FTO: variants seen among roughly 807,000 people sequenced by gnomAD.
The protein encoded by FTO is FTO alpha-ketoglutarate dependent dioxygenase, also known as alpha-ketoglutarate-dependent dioxygenase FTO.
FTO carries 47 observed loss-of-function variants against 63.9 expected under a neutral mutation model. That is an observed-to-expected ratio of 0.74 (90% confidence interval 0.58 to 0.94). The LOEUF is 0.94. FTO is among the 40% of genes least tolerant of loss of function. The pLI is 0.00. For synonymous variants in FTO, 207 were observed against 224.4 expected, an observed-to-expected ratio of 0.92 and a Z score of 0.69; for missense variants, 562 against 618.1, an observed-to-expected ratio of 0.91 and a Z score of 0.96.
chr16:53,820,175 G>A (rs530396244), intron 2 of FTO, among the ~76,000 whole-genome samples: 1 of 151,722 alleles, frequency 6.6e-6, no homozygotes, highest in South Asian at 2.1e-4. Context: ...CGCCCAGCTA[G>A]TTTTTGTATT....
intron 1 of FTO, among the ~76,000 whole-genome samples, chr16:53,705,860 A>G (rs1386689166): frequency 6.6e-6 from 1 of 152,208 alleles, no homozygotes; most frequent in Non-Finnish European, 1.5e-5. Context: ...TATTTGCCAT[A>G]AGTTGGGATT....
intron 3 of FTO, among the ~76,000 whole-genome samples, chr16:53,842,426 G>A (rs2079503406): frequency 6.6e-6 from 1 of 152,120 alleles, no homozygotes; most frequent in African/African-American, 2.4e-5. Context: ...ACTTTTAAAA[G>A]TTTTTATGTA....
At chr16:53,788,159 T>G (rs2077799372) in intron 1 of FTO, among the ~76,000 whole-genome samples, 1 of 152,190 alleles carries the variant, frequency 6.6e-6, no homozygotes, top group Non-Finnish European at 1.5e-5. Flanking sequence ...TTCCTGAGTT[T>G]AGGAAATTAT....
chr16:53,918,960 T>C (rs1489623398), intron 7 of FTO, among the ~76,000 whole-genome samples: 1 of 152,186 alleles, frequency 6.6e-6, no homozygotes, highest in East Asian at 1.9e-4. Flanking sequence ...AAAAATGTGA[T>C]TAATACTTGC....
chr16:53,889,837 A>C (rs1014150393), intron 7 of FTO, among the ~76,000 whole-genome samples: 2 of 151,888 alleles, frequency 1.3e-5, no homozygotes, highest in African/African-American at 4.9e-5. Flanking sequence ...AATAGTAATA[A>C]TAATAATAAT....
intron 7 of FTO, among the ~76,000 whole-genome samples, chr16:53,917,145 G>A (rs936509315): frequency 4.6e-5 from 7 of 152,170 alleles, no homozygotes; most frequent in Non-Finnish European, 7.3e-5. Flanking sequence ...GAGAATCTGG[G>A]CCACTCATTG....
chr16:53,843,955 A>C (rs528995611), intron 3 of FTO, among the ~76,000 whole-genome samples, 200 bp from the exon 4 acceptor site: 1 of 152,222 alleles, frequency 6.6e-6, no homozygotes, highest in East Asian at 1.9e-4. Context: ...TGGCCTATTT[A>C]AGGTTTCTTG....
chr16:53,746,122 AC>A, intron 1 of FTO, among the ~76,000 whole-genome samples: 1 of 152,276 alleles, frequency 6.6e-6, no homozygotes, highest in East Asian at 1.9e-4. Context: ...CTCTGAGCAC[AC>A]TGGAAGATTA....
At chr16:53,719,293 G>T (rs531210279) in intron 1 of FTO, among the ~76,000 whole-genome samples, 162 of 134,622 alleles carry the variant, frequency 1.2e-3, no homozygotes, top group African/African-American at 4.3e-3. Flanking sequence ...GTCTTGCTGT[G>T]TCACCCAGGC....
intron 8 of FTO, among the ~76,000 whole-genome samples, chr16:54,058,737 C>G (rs1322685081): frequency 1.3e-5 from 2 of 152,176 alleles, no homozygotes; most frequent in African/African-American, 4.8e-5. Flanking sequence ...CCCCCACCTC[C>G]TGTGCATGAA....
intron 6 of FTO, among the ~76,000 whole-genome samples, chr16:53,880,937 TAAAAAAAA>T (rs34062544): frequency 1.0e-4 from 7 of 67,682 alleles, no homozygotes; most frequent in Admixed American, 6.6e-4. Flanking sequence ...CCGTCTCTAC[TAAAAAAAA>T]AAAAAAAAAA....
At chr16:53,790,324 C>T (rs1192117963) in intron 1 of FTO, among the ~76,000 whole-genome samples, 3 of 151,926 alleles carry the variant, frequency 2.0e-5, no homozygotes, top group African/African-American at 4.8e-5. Flanking sequence ...ATTCTATTTT[C>T]TGTCTCTACA....
At chr16:53,955,522 G>A (rs1016931146) in intron 8 of FTO, among the ~76,000 whole-genome samples, 2 of 152,168 alleles carry the variant, frequency 1.3e-5, no homozygotes, top group Non-Finnish European at 2.9e-5. Flanking sequence ...GATGGGATGA[G>A]AGAGGAAGGA....
At chr16:53,820,917 A>G (rs1166758546) in intron 2 of FTO, among the ~76,000 whole-genome samples, 3 of 152,088 alleles carry the variant, frequency 2.0e-5, no homozygotes, top group Non-Finnish European at 4.4e-5. Flanking sequence ...AGAAGCACAT[A>G]TGGTCAGAGA....
chr16:53,930,773 G>A (rs2082262726), intron 7 of FTO, among the ~76,000 whole-genome samples: 1 of 152,146 alleles, frequency 6.6e-6, no homozygotes, highest in Non-Finnish European at 1.5e-5. Flanking sequence ...AGAGGATCTG[G>A]TTATTTAAAG....
chr16:53,963,909 T>C (rs1004472844), intron 8 of FTO, among the ~76,000 whole-genome samples: 11 of 152,154 alleles, frequency 7.2e-5, no homozygotes, highest in Admixed American at 2.6e-4. Context: ...CCCGCCACAA[T>C]GCCTGGCTAA....
intron 8 of FTO, among the ~76,000 whole-genome samples, chr16:54,108,590 T>G (rs891195444): frequency 6.3e-4 from 96 of 152,168 alleles, no homozygotes; most frequent in Admixed American, 2.6e-3. Flanking sequence ...CAGGCAACTC[T>G]CTCATTGGCA....
At chr16:53,757,566 ATATT>A (rs1032065891) in intron 1 of FTO, among the ~76,000 whole-genome samples, 1 of 151,596 alleles carries the variant, frequency 6.6e-6, no homozygotes, top group Non-Finnish European at 1.5e-5. Context: ...CATAATACCT[ATATT>A]TATATATATA....
chr16:53,722,827 C>CAAAAAAAAAAAAAAA (rs34522072), intron 1 of FTO, among the ~76,000 whole-genome samples: 1 of 141,572 alleles, frequency 7.1e-6, no homozygotes, highest in Non-Finnish European at 1.6e-5. Flanking sequence ...GACGCCACCT[C>CAAAAAAAAAAAAAAA]AAAAAAAAAA....
Sources: gnomAD v4.1 joint callset for allele counts (sites outside exome capture counted in the v4.1 genomes callset) on GRCh38, gnomAD v4.1.1 for gene constraint, MANE v1.5 for transcripts, NCBI Gene and HGNC (gene_info 2026-07-23, HGNC 2026-07-21) for gene names.